GNG7: variants seen among roughly 807,000 people sequenced by gnomAD.
GNG7 encodes the protein guanine nucleotide-binding protein G(I)/G(S)/G(O) subunit gamma-7.
A neutral mutation model predicts 4.0 loss-of-function variants in GNG7; 1 was observed. The observed-to-expected ratio is 0.25, with a 90% confidence interval of 0.09 to 1.18. GNG7 has a LOEUF of 1.18. Ranked by LOEUF, GNG7 falls within the 50% of genes most tolerant of loss-of-function variation. The probability of loss-of-function intolerance (pLI) is 0.50; values close to 1 mark genes in which losing one functional copy is unlikely to be tolerated. For synonymous variants in GNG7, 34 were observed against 36.9 expected, an observed-to-expected ratio of 0.92 and a Z score of 0.29; for missense variants, 86 against 91.9, an observed-to-expected ratio of 0.94 and a Z score of 0.26.
chr19:2,531,936 G>C (rs1035147259), intron 3 of GNG7, among the ~76,000 whole-genome samples: 2 of 151,812 alleles, frequency 1.3e-5, no homozygotes, highest in Non-Finnish European at 2.9e-5. Context: ...CGGATCATGA[G>C]GTCAGGAGAT....
chr19:2,651,114 G>A (rs1323036282), intron 1 of GNG7, among the ~76,000 whole-genome samples: 1 of 152,154 alleles, frequency 6.6e-6, no homozygotes, highest in African/African-American at 2.4e-5. Context: ...TTGGGACACA[G>A]AGGCCATGGA....
intron 1 of GNG7, among the ~76,000 whole-genome samples, chr19:2,654,591 T>A (rs1982915157): frequency 6.6e-6 from 1 of 152,168 alleles, no homozygotes; most frequent in Non-Finnish European, 1.5e-5. Context: ...TCCCCCTTGC[T>A]GAGGTCCCAG....
At chr19:2,588,703 T>A (rs1220204451) in intron 2 of GNG7, among the ~76,000 whole-genome samples, 1 of 152,202 alleles carries the variant, frequency 6.6e-6, no homozygotes, top group African/African-American at 2.4e-5. Context: ...CCCAGCTGGG[T>A]TACCCAGGGT....
intron 1 of GNG7, among the ~76,000 whole-genome samples, chr19:2,655,495 G>T (rs956512486): frequency 6.6e-6 from 1 of 151,356 alleles, no homozygotes; most frequent in Non-Finnish European, 1.5e-5. Context: ...GGCAGATCAC[G>T]AGTTCGAGAC....
chr19:2,677,426 A>T (rs969067467), intron 1 of GNG7, among the ~76,000 whole-genome samples: 1 of 151,964 alleles, frequency 6.6e-6, no homozygotes, highest in African/African-American at 2.4e-5. Flanking sequence ...AGAACCTTGC[A>T]GTGGCCAGGA....
At chr19:2,538,219 G>A (rs942017100) in intron 3 of GNG7, 6 of 456,590 alleles carry the variant, frequency 1.3e-5, no homozygotes, top group Admixed American at 2.4e-5. Flanking sequence ...GAACATACAC[G>A]AGCATCAGGA....
Position 2,653,906 on chromosome 19 carries a change from AACAG to A in GNG7, c.-134-7630_-134-7627del, listed in dbSNP as rs1982893184. On this transcript the variant is annotated intron_variant, in intron 1 of 4. Transcript: ENST00000382159. The surrounding 1 kb of genome is among the most constrained non-coding windows in gnomAD (Gnocchi z 4.8). ...ATGGCTAACCTTGGCAGGCATCCCC[AACAG>A]AGGCGAGGGGACAGCTCTCGCCTGC... Among the ~76,000 whole-genome samples, 1 of 152,148 alleles carries A rather than the reference AACAG, an allele frequency of 6.6e-6. No individual in the cohort carries two copies. The highest frequency in any genetic ancestry group is 2.4e-5 in the African/African-American group (1 of 41,438).
intron 2 of GNG7, among the ~76,000 whole-genome samples, chr19:2,576,541 GTATTTATT>G (rs111791355): frequency 3.3e-5 from 5 of 151,950 alleles, no homozygotes; most frequent in Non-Finnish European, 7.4e-5. Context: ...ATTTTATTAT[GTATTTATT>G]TATTTATTTA....
intron 2 of GNG7, among the ~76,000 whole-genome samples, chr19:2,603,786 GATTT>G (rs1981286819): frequency 6.6e-6 from 1 of 152,140 alleles, no homozygotes; most frequent in African/African-American, 2.4e-5. Flanking sequence ...GTGTCACCTA[GATTT>G]ATTTTACAGA....
intron 2 of GNG7, among the ~76,000 whole-genome samples, chr19:2,623,016 C>T (rs909399073): frequency 1.3e-5 from 2 of 152,196 alleles, no homozygotes; most frequent in Non-Finnish European, 2.9e-5. Context: ...AGCCACTTTC[C>T]GGCTAAGGTC....
chr19:2,531,093 G>T (rs1045410257), intron 3 of GNG7, among the ~76,000 whole-genome samples: 1 of 152,044 alleles, frequency 6.6e-6, no homozygotes, highest in African/African-American at 2.4e-5. Flanking sequence ...ATGACCTGAG[G>T]TCGGGAGTTC....
At chr19:2,644,943 T>C (rs995193328) in intron 2 of GNG7, among the ~76,000 whole-genome samples, 1 of 152,228 alleles carries the variant, frequency 6.6e-6, no homozygotes, top group Non-Finnish European at 1.5e-5. Context: ...TACATCTGTT[T>C]CTGAATTACC....
intron 2 of GNG7, among the ~76,000 whole-genome samples, chr19:2,598,529 C>T (rs376314893): frequency 1.3e-5 from 2 of 151,222 alleles, no homozygotes; most frequent in African/African-American, 2.4e-5. Flanking sequence ...TGGTGGCGGG[C>T]GCCTGTAGTC....
In GNG7 at chr19:2,515,049, C is replaced by T. The variant is rs1266642346; in HGVS notation, c.180G>A (p.Lys60=). ...ATAAAATAATACAAGGTTTCTTGTC[C>T]TTAAAGGGGTTCTCCGAGGCAGGGA... The part of the protein sequence containing the change: ...VGVPASENPF[K]DKKPCIIL The change falls in exon 5 of 5, where the codon AAG becomes AAA. Residue 60 remains lysine, a synonymous_variant. Coordinates refer to ENST00000382159, the MANE Select transcript of GNG7 (RefSeq NM_052847.3). 1 of 1,613,778 alleles carries T rather than the reference C, an allele frequency of 6.2e-7. No homozygotes were observed. Among genetic ancestry groups the T allele is most frequent in the South Asian group, 1.1e-5 (1 of 91,074 alleles).
In GNG7 at chr19:2,512,432, C is replaced by G; in HGVS notation, c.*2590G>C. On this transcript the variant is annotated 3_prime_UTR_variant, in exon 5 of 5. Coordinates refer to ENST00000382159, the MANE Select transcript of GNG7 (RefSeq NM_052847.3). The surrounding 1 kb of genome is among the most constrained non-coding windows in gnomAD (Gnocchi z 4.7). ...ACAGGCTTCTGGCAATGGCCACCTC[C>G]CTGGGGTCCGGGAGATGGTGGGGTC... 3.2e-6 allele frequency: 3 copies of G among 932,522 alleles called. No individual in the cohort carries two copies. Among genetic ancestry groups the G allele is most frequent in the Non-Finnish European group, 3.8e-6 (3 of 781,842 alleles). 57.8% of individuals were successfully genotyped at this position (932,522 alleles called of 1,614,324 possible). A position where few individuals can be genotyped will look rare whatever the true frequency, so the allele number is the denominator to read the frequency against.
intron 3 of GNG7, among the ~76,000 whole-genome samples, chr19:2,524,821 C>T (rs8111910): frequency 0.44 from 66,974 of 151,604 alleles, 15,475 homozygotes; most frequent in African/African-American, 0.6. Context: ...TGTGTGCATG[C>T]GTGTTGGCGT....
At chr19:2,587,578 C>T (rs3936139) in intron 2 of GNG7, among the ~76,000 whole-genome samples, 58,391 of 151,920 alleles carry the variant, frequency 0.38, 12,090 homozygotes, top group East Asian at 0.53. Flanking sequence ...CACCTTGTAA[C>T]GGCCACAAAC....
intron 2 of GNG7, among the ~76,000 whole-genome samples, chr19:2,573,528 G>C (rs542039870): frequency 2.0e-5 from 3 of 152,166 alleles, no homozygotes; most frequent in Admixed American, 2.0e-4. Flanking sequence ...TCTAAAAGTG[G>C]GATTGGGGCT....
rs1225043714 is a variant in GNG7, at chr19:2,657,350, AAAAAAAAAAAAATATAT to A, written c.-134-11087_-134-11071del. The stretch of plus-strand genomic sequence containing the variant: ...CCCCGTCTCAATTAAAAAAAAAAAA[AAAAAAAAAAAAATATAT>A]ATATATATATATATATATATATATA... On this transcript the variant is annotated intron_variant, in intron 1 of 4. Coordinates refer to ENST00000382159, the MANE Select transcript of GNG7 (RefSeq NM_052847.3). Among the ~76,000 whole-genome samples the A allele has an allele frequency of 4.7e-4, 12 of 25,282 alleles. No homozygotes were observed. The South Asian group carries it at 6.3e-3, about 13-fold the overall frequency. 16.6% of individuals were successfully genotyped at this position (25,282 alleles called of 152,430 possible). A position where few individuals can be genotyped will look rare whatever the true frequency, so the allele number is the denominator to read the frequency against.
Sources: allele counts gnomAD v4.1 joint callset (sites outside exome capture counted in the v4.1 genomes callset), GRCh38; gene constraint gnomAD v4.1.1; non-coding constraint Gnocchi (gnomAD v3.1); transcripts MANE v1.5; gene names NCBI Gene and HGNC (gene_info 2026-07-23, HGNC 2026-07-21).